The following GBF1 variants were observed in gnomAD, a reference collection of about 807,000 sequenced individuals.
GBF1 encodes golgi brefeldin A resistant guanine nucleotide exchange factor 1, also known as Golgi-specific brefeldin A-resistance guanine nucleotide exchange factor 1.
Under a neutral mutation model 210.5 loss-of-function variants are expected in GBF1, and 114 were observed. The ratio of observed to expected loss-of-function variants is 0.54; its 90% CI spans 0.47 to 0.63. GBF1 has a LOEUF of 0.63. Among genes scored for constraint, GBF1 ranks in the 30% least tolerant of loss-of-function variants. The probability of loss-of-function intolerance (pLI) is 0.00; values close to 1 mark genes in which losing one functional copy is unlikely to be tolerated. For synonymous variants in GBF1, 850 were observed against 889.2 expected (o/e 0.96, Z 0.78); for missense variants, 1,851 against 2,357.7 (o/e 0.79, Z 4.45).
intron 21 of GBF1, 46 bp downstream of exon 21, chr10:102,367,606 C>T (rs769415622): frequency 6.5e-6 from 7 of 1,085,172 alleles, no homozygotes; most frequent in Non-Finnish European, 8.6e-6. Flanking sequence ...TAAGAAGAAG[C>T]ACATTGCTTC....
the GBF1 span, among the ~76,000 whole-genome samples, chr10:102,237,727 C>T: frequency 6.6e-6 from 1 of 152,194 alleles, no homozygotes; most frequent in African/African-American, 2.4e-5. Context: ...CGTTCTATTC[C>T]ATACTTTAGT....
In GBF1 at chr10:102,358,509, G is replaced by A. The variant is rs1039189545; in HGVS notation, c.791G>A (p.Gly264Asp). Residue 264 changes from glycine (G) to aspartate (D), a missense_variant, in exon 10 of 40, where the codon GGC (glycine) becomes GAC (aspartate). This residue lies in a region of GBF1 where 804 missense variants were observed against 958.6 expected (regional missense o/e 0.84). Coordinates refer to ENST00000369983, the MANE Select transcript of GBF1 (RefSeq NM_001377137.1). ...CGTCACATACTTTTCTTGGCAGGTG[G>A]CATGCCCTTCATTGATGTGCCCACT... ...GTTLSSNLTG[G>D]MPFIDVPTPI... is the part of the protein sequence containing the mutation. 1.9e-6 allele frequency: 3 copies of A among 1,609,512 alleles called. No homozygotes were observed. Among genetic ancestry groups the A allele is most frequent in the African/African-American group, 2.7e-5 (2 of 74,796 alleles).
At chr10:102,251,485 C>A (rs1299216652) in intron 1 of GBF1, among the ~76,000 whole-genome samples, 1 of 151,862 alleles carries the variant, frequency 6.6e-6, no homozygotes, top group African/African-American at 2.4e-5. Context: ...TGAGATAGAG[C>A]CTGATAGTCC....
Position 102,366,380 on chromosome 10 carries a change from T to G in GBF1, c.2310-3T>G. 1 of 1,614,008 alleles carries G rather than the reference T, an allele frequency of 6.2e-7. No homozygotes were observed. Among genetic ancestry groups the G allele is most frequent in the Non-Finnish European group, 8.5e-7 (1 of 1,179,886 alleles). The stretch of plus-strand genomic sequence containing the variant: ...AGCCTCTTCTTCCTTTCTTTCCCTA[T>G]AGCACCTTCAGTTTTCAGGGTCTGC... On this transcript the variant is annotated splice_region_variant and splice_polypyrimidine_tract_variant and intron_variant, in intron 18 of 39. Coordinates refer to ENST00000369983, the MANE Select transcript of GBF1 (RefSeq NM_001377137.1). The surrounding 1 kb of genome is among the most constrained non-coding windows in gnomAD (Gnocchi z 4.0).
intron 3 of GBF1, among the ~76,000 whole-genome samples, chr10:102,272,844 T>G (rs1388616131): frequency 6.6e-6 from 1 of 152,196 alleles, no homozygotes; most frequent in Non-Finnish European, 1.5e-5. Flanking sequence ...TAGGGGCTTG[T>G]GAGTATTTTT....
chr10:102,366,500 T>C lies in GBF1; in HGVS notation c.2427T>C (p.Arg809=). ...IQRLLEAFTE[R]WMNCNGSPFA... ...GGTTGCTGGAGGCATTCACAGAGCG[T>C]TGGATGGTGAGTTTGAGTGTCAGGG... The change falls in exon 19 of 40, where the codon CGT becomes CGC. Residue 809 remains arginine (R), a synonymous_variant. Coordinates refer to ENST00000369983, the MANE Select transcript of GBF1 (RefSeq NM_001377137.1). The surrounding 1 kb of genome is among the most constrained non-coding windows in gnomAD (Gnocchi z 4.0). 2 of 1,613,750 alleles carry C rather than the reference T, an allele frequency of 1.2e-6. No individual in the cohort carries two copies. Among genetic ancestry groups the C allele is most frequent in the African/African-American group, 1.3e-5 (1 of 74,948 alleles).
At chr10:102,316,379 C>T (rs753681140) in intron 3 of GBF1, among the ~76,000 whole-genome samples, 3 of 152,128 alleles carry the variant, frequency 2.0e-5, no homozygotes, top group African/African-American at 7.2e-5. Flanking sequence ...TGAGCCACCA[C>T]GCTCGGCCTT....
At chr10:102,356,481 T>C (rs2059293249) in intron 8 of GBF1, among the ~76,000 whole-genome samples, 1 of 152,028 alleles carries the variant, frequency 6.6e-6, no homozygotes, top group Non-Finnish European at 1.5e-5. Context: ...AAAAAACAAA[T>C]TGGGCCGGGC....
intron 3 of GBF1, among the ~76,000 whole-genome samples, chr10:102,337,353 G>C (rs1448200560): frequency 7.6e-6 from 1 of 131,078 alleles, no homozygotes; most frequent in Non-Finnish European, 1.6e-5. Context: ...CTGGGCGACA[G>C]AGCGAGACTC....
In GBF1 at chr10:102,363,753, C is replaced by T. The variant is rs1350040624; in HGVS notation, c.2061C>T (p.Leu687=). 6.2e-7 allele frequency: 1 copy of T among 1,613,550 alleles called. No homozygotes were observed. The highest frequency in any genetic ancestry group is 1.1e-5 in the South Asian group (1 of 91,070). The part of the protein sequence containing the change: ...FARKPPRFSC[L]LPDPRELIEI... The stretch of plus-strand genomic sequence containing the variant: ...GGAAGCCACCCCGATTTTCCTGTCT[C>T]CTGCCAGATCCACGGGAACTAATTG... Residue 687 remains leucine (L), a synonymous_variant, in exon 17 of 40, where the codon CTC becomes CTT. Coordinates refer to ENST00000369983, the MANE Select transcript of GBF1 (RefSeq NM_001377137.1). This position sits in a 1 kb window ranked among gnomAD's most constrained non-coding sequence, Gnocchi z 4.2.
chr10:102,323,278 C>G (rs1450400885), intron 3 of GBF1, among the ~76,000 whole-genome samples: 1 of 146,208 alleles, frequency 6.8e-6, no homozygotes, highest in Non-Finnish European at 1.5e-5. Flanking sequence ...GAAGAAGCTT[C>G]AAAGCCTTTT....
chr10:102,233,304 C>CT, the GBF1 span, among the ~76,000 whole-genome samples: 65,133 of 107,772 alleles, frequency 0.6, 20,866 homozygotes, highest in East Asian at 0.73. Flanking sequence ...TTTTTTCCTT[C>CT]TTTTTTTTTT....
Position 102,361,898 on chromosome 10 carries a change from A to C in GBF1, c.1672A>C (p.Lys558Gln). Residue 558 changes from lysine to glutamine, a missense_variant, in exon 14 of 40, where the codon AAG becomes CAG. This residue lies in a region of GBF1 where 804 missense variants were observed against 958.6 expected (regional missense o/e 0.84). Transcript: ENST00000369983. Reference sequence around the variant, plus strand: ...TTCCAACCTCTTTGAGGAACTCACAAAGCTGCTGTCCAAGGTGCTGAGCAC... The same window carrying C: ...TTCCAACCTCTTTGAGGAACTCACACAGCTGCTGTCCAAGGTGCTGAGCAC... ...YCSNLFEELT[K>Q]LLSKNAFPVS... is the part of the protein sequence containing the mutation. The C allele has an allele frequency of 6.2e-7, 1 of 1,604,332 alleles. No homozygotes were observed. The highest frequency in any genetic ancestry group is 1.7e-4 in the Middle Eastern group (1 of 6,032).
chr10:102,360,545 T>G (rs1229095127), intron 12 of GBF1, 150 bp downstream of exon 12: 1 of 617,364 alleles, frequency 1.6e-6, no homozygotes, highest in African/African-American at 1.8e-5. Context: ...TTCCAGTAGT[T>G]CCCCAGGGAC....
intron 3 of GBF1, among the ~76,000 whole-genome samples, chr10:102,314,366 T>C (rs2078750806): frequency 6.6e-6 from 1 of 151,824 alleles, no homozygotes; most frequent in Admixed American, 6.6e-5. Flanking sequence ...AGGCTGGTCT[T>C]GAACTCCTGG....
chr10:102,361,515 G>A (rs1352530630), intron 13 of GBF1, among the ~76,000 whole-genome samples: 1 of 152,220 alleles, frequency 6.6e-6, no homozygotes, highest in Non-Finnish European at 1.5e-5. Flanking sequence ...GACCAGGTAT[G>A]TGGTAGAGAG....
the GBF1 span, among the ~76,000 whole-genome samples, chr10:102,233,454 C>A: frequency 6.6e-6 from 1 of 151,850 alleles, no homozygotes. Flanking sequence ...CAGGCACGTG[C>A]CCCCACGCCT....
intron 1 of GBF1, among the ~76,000 whole-genome samples, chr10:102,252,644 A>T (rs1447589662): frequency 6.6e-6 from 1 of 152,162 alleles, no homozygotes; most frequent in East Asian, 1.9e-4. Flanking sequence ...CTGGAGTTTG[A>T]GACCAGCCTG....
At chr10:102,323,552 C>A (rs1266450933) in intron 3 of GBF1, among the ~76,000 whole-genome samples, 2 of 149,754 alleles carry the variant, frequency 1.3e-5, no homozygotes, top group Non-Finnish European at 3.0e-5. Context: ...TTCTTTTAAG[C>A]ATGTTTGCAC....
Sources: allele counts gnomAD v4.1 joint callset (sites outside exome capture counted in the v4.1 genomes callset), GRCh38; gene constraint gnomAD v4.1.1; regional missense constraint gnomAD v4.1.1; non-coding constraint Gnocchi (gnomAD v3.1); transcripts MANE v1.5; gene names NCBI Gene and HGNC (gene_info 2026-07-23, HGNC 2026-07-21).